DEPDC5: variants seen among roughly 807,000 people sequenced by gnomAD.
DEPDC5 encodes GATOR1 complex protein DEPDC5.
In DEPDC5, 73 loss-of-function variants were observed where a neutral mutation model predicts 217.3. The observed-to-expected ratio is 0.34, with a 90% confidence interval of 0.28 to 0.41. DEPDC5 has a LOEUF of 0.41. DEPDC5 is among the 10% of genes least tolerant of loss of function. The pLI, the probability that DEPDC5 is intolerant of heterozygous loss-of-function variation, is 1.00. For missense variants in DEPDC5, 1,675 were observed against 2,070.1 expected (o/e 0.81, Z 3.70); for synonymous variants, 733 against 756.7 (o/e 0.97, Z 0.51).
intron 4 of DEPDC5, among the ~76,000 whole-genome samples, chr22:31,761,296 T>C (rs2082367888): frequency 6.6e-6 from 1 of 152,168 alleles, no homozygotes. Flanking sequence ...ATTGTATTTT[T>C]CAACCTTCAT....
intron 10 of DEPDC5, among the ~76,000 whole-genome samples, chr22:31,786,927 C>T (rs187736866): frequency 1.0e-3 from 152 of 152,016 alleles, no homozygotes; most frequent in Non-Finnish European, 1.7e-3. Flanking sequence ...TACAGGTGCC[C>T]GCTACCATGC....
chr22:31,812,238 C>T (rs746217127), intron 20 of DEPDC5, among the ~76,000 whole-genome samples: 3 of 151,976 alleles, frequency 2.0e-5, no homozygotes, highest in East Asian at 1.9e-4. Flanking sequence ...GGCCCACACC[C>T]GCCTTGGCCT....
At chr22:31,852,513 A>G (rs984520145) in intron 31 of DEPDC5, among the ~76,000 whole-genome samples, 1 of 151,790 alleles carries the variant, frequency 6.6e-6, no homozygotes, top group Non-Finnish European at 1.5e-5. Flanking sequence ...CTAATTTTGT[A>G]TCTTTAGTAG....
At chr22:31,768,893 G>C (rs757280636) in intron 7 of DEPDC5, 30 bp downstream of exon 7, 8 of 1,611,802 alleles carry the variant, frequency 5.0e-6, no homozygotes, top group Non-Finnish European at 6.8e-6. Flanking sequence ...TGCCTTATCT[G>C]TGCAGTAACT....
intron 20 of DEPDC5, among the ~76,000 whole-genome samples, chr22:31,812,889 C>T (rs1044278121): frequency 2.0e-5 from 3 of 151,708 alleles, no homozygotes; most frequent in Non-Finnish European, 2.9e-5. Flanking sequence ...TACAAACATG[C>T]GCCTCCACGC....
At chr22:31,755,058 G>A (rs1208350237) in intron 2 of DEPDC5, 79 bp downstream of exon 2, 39 of 1,522,096 alleles carry the variant, frequency 2.6e-5, no homozygotes, top group Non-Finnish European at 3.4e-5. Flanking sequence ...ATTACACACT[G>A]ACTCGTGTGA....
In DEPDC5 at chr22:31,821,484, G is replaced by C; in HGVS notation, c.1871-18G>C. The C allele has an allele frequency of 1.9e-6, 3 of 1,613,564 alleles. No individual in the cohort carries two copies. The highest frequency in any genetic ancestry group is 1.7e-4 in the Middle Eastern group (1 of 6,060). On this transcript the variant is annotated intron_variant, in intron 22 of 42. Coordinates refer to ENST00000651528, the MANE Select transcript of DEPDC5 (RefSeq NM_001242896.3). ...CTATCAGGTGGGAATGATGCTCAGTGGTTCTTTATCTGGGTAGGGCCATCC... is the reference window on the plus strand; with the variant it reads ...CTATCAGGTGGGAATGATGCTCAGTCGTTCTTTATCTGGGTAGGGCCATCC...
intron 22 of DEPDC5, among the ~76,000 whole-genome samples, chr22:31,819,770 C>A (rs1024118272): frequency 6.6e-6 from 1 of 152,066 alleles, no homozygotes; most frequent in African/African-American, 2.4e-5. Context: ...GCATCCGGCC[C>A]TTTGTTTCTA....
chr22:31,888,549 G>C (rs796962877), intron 38 of DEPDC5, among the ~76,000 whole-genome samples: 8 of 149,632 alleles, frequency 5.3e-5, no homozygotes, highest in African/African-American at 2.0e-4. Flanking sequence ...ACCACACCCG[G>C]CTCTTTGTTT....
chr22:31,828,490 A>C (rs1442630163), intron 24 of DEPDC5, among the ~76,000 whole-genome samples: 1 of 151,840 alleles, frequency 6.6e-6, no homozygotes, highest in Non-Finnish European at 1.5e-5. Context: ...CCTGGCACAT[A>C]ATAGATAGTT....
chr22:31,851,733 A>G (rs2092037470), intron 31 of DEPDC5, among the ~76,000 whole-genome samples: 1 of 152,236 alleles, frequency 6.6e-6, no homozygotes, highest in Non-Finnish European at 1.5e-5. Flanking sequence ...AGGGTCTGTC[A>G]TGCCCGCAGG....
chr22:31,870,439 T>C, intron 33 of DEPDC5, 151 bp from the exon 34 acceptor site: 1 of 804,056 alleles, frequency 1.2e-6, no homozygotes, highest in Non-Finnish European at 1.7e-6. Context: ...GACCAAGGGG[T>C]AGTGGGAATG....
intron 33 of DEPDC5, among the ~76,000 whole-genome samples, chr22:31,866,073 T>C (rs2092680145): frequency 6.6e-6 from 1 of 152,156 alleles, no homozygotes; most frequent in Non-Finnish European, 1.5e-5. Context: ...AGTGGGGCTG[T>C]GACAAGCCCA....
At chr22:31,799,245 A>G (rs557875168) in intron 14 of DEPDC5, among the ~76,000 whole-genome samples, 1 of 151,418 alleles carries the variant, frequency 6.6e-6, no homozygotes, top group South Asian at 2.1e-4. Context: ...GGGTTTCACC[A>G]TGTTGGCCAG....
intron 36 of DEPDC5, 113 bp downstream of exon 36, chr22:31,874,518 A>AT (rs1451804028): frequency 1.3e-5 from 17 of 1,341,174 alleles, no homozygotes; most frequent in East Asian, 2.6e-5. Flanking sequence ...TGGGGTGAGG[A>AT]TTTTTTTTAA....
chr22:31,873,243 C>T lies in DEPDC5; in HGVS notation c.3486-12C>T, dbSNP rs1319274878. 17 of 1,613,794 alleles carry T rather than the reference C, an allele frequency of 1.1e-5. No individual in the cohort carries two copies. In the Admixed American group the frequency reaches 2.0e-4, roughly 19 times the overall value. On this transcript the variant is annotated splice_polypyrimidine_tract_variant and intron_variant, in intron 34 of 42. Transcript: ENST00000651528. ...CCATCTTGCTTTGCTGACCTGACAC[C>T]CTGTGTTACAGCTCTCAGCAGCTGG...
chr22:31,875,944 T>C, intron 36 of DEPDC5: 1 of 486,446 alleles, frequency 2.1e-6, no homozygotes, highest in Non-Finnish European at 3.7e-6. Context: ...TCTGAATTTC[T>C]TCATGCCCTT....
chr22:31,810,080 A>T (rs967490858), intron 19 of DEPDC5, among the ~76,000 whole-genome samples: 11 of 152,338 alleles, frequency 7.2e-5, no homozygotes, highest in African/African-American at 2.6e-4. Flanking sequence ...CCTTTGTGTC[A>T]TGTATGCAGG....
At chr22:31,842,808 CT>C (rs1421949332) in intron 27 of DEPDC5, among the ~76,000 whole-genome samples, 1 of 152,142 alleles carries the variant, frequency 6.6e-6, no homozygotes, top group Non-Finnish European at 1.5e-5. Flanking sequence ...GAACTTTCCT[CT>C]CCAGAGGATG....
Sources: allele counts gnomAD v4.1 joint callset (sites outside exome capture counted in the v4.1 genomes callset), GRCh38; gene constraint gnomAD v4.1.1; transcripts MANE v1.5; gene names NCBI Gene and HGNC (gene_info 2026-07-23, HGNC 2026-07-21).